NUS1: variants seen among roughly 807,000 people sequenced by gnomAD.
NUS1 encodes the protein NUS1 dehydrodolichyl diphosphate synthase subunit.
For synonymous variants in NUS1, 135 were observed against 155.2 expected (o/e 0.87, Z 0.97); for missense variants, 292 against 382.9 (o/e 0.76, Z 1.98).
Position 117,675,841 on chromosome 6 carries a change from C to T in NUS1, c.171C>T (p.Arg57=). 6.5e-7 allele frequency: 1 copy of T among 1,542,496 alleles called. No homozygotes were observed. Among genetic ancestry groups the T allele is most frequent in the African/African-American group, 1.4e-5 (1 of 72,934 alleles). ...TAGCGCCGCTCGGCTTCACGCTCCG[C>T]AAGCCCCCGGCAGTCGGCAGGAACC... The part of the protein sequence containing the change: ...AVLAPLGFTL[R]KPPAVGRNRR... Residue 57 remains arginine (R), a synonymous_variant, in exon 1 of 5, where the codon CGC becomes CGT. Coordinates refer to ENST00000368494, the MANE Select transcript of NUS1 (RefSeq NM_138459.5).
intron 3 of NUS1, among the ~76,000 whole-genome samples, chr6:117,695,961 A>ATG (rs1435276725): frequency 6.6e-6 from 1 of 152,060 alleles, no homozygotes; most frequent in African/African-American, 2.4e-5. Context: ...GTTAATGCAC[A>ATG]TGTGGTTTGT....
rs1403311324 is a variant in NUS1, at chr6:117,710,631, A to G, written c.*3616A>G. The G allele has an allele frequency of 6.6e-6, 1 of 152,200 alleles. No individual in the cohort carries two copies. Among genetic ancestry groups the G allele is most frequent in the Non-Finnish European group, 1.5e-5 (1 of 68,016 alleles). The allele number at this position is 152,200 out of a possible 1,614,324, so 9.4% of individuals were successfully genotyped here. A position where few individuals can be genotyped will look rare whatever the true frequency, so the allele number is the denominator to read the frequency against. On this transcript the variant is annotated 3_prime_UTR_variant, in exon 5 of 5. Coordinates refer to ENST00000368494, the MANE Select transcript of NUS1 (RefSeq NM_138459.5). ...ATAAAGAGATTTTTTAAAAAACTATAAACTAGAAATTGAGAGTCTTGCATT... is the reference window on the plus strand; with the variant it reads ...ATAAAGAGATTTTTTAAAAAACTATGAACTAGAAATTGAGAGTCTTGCATT...
At chr6:117,697,712 A>T (rs1486468489) in intron 3 of NUS1, among the ~76,000 whole-genome samples, 1 of 152,140 alleles carries the variant, frequency 6.6e-6, no homozygotes, top group Admixed American at 6.5e-5. Flanking sequence ...ATACAATAAT[A>T]GCTGGAGACT....
At chr6:117,676,776 A>C (rs562248596) in intron 1 of NUS1, among the ~76,000 whole-genome samples, 42 of 152,284 alleles carry the variant, frequency 2.8e-4, no homozygotes, top group Admixed American at 2.6e-3. Context: ...GCTTTTTCAC[A>C]ATCTTTGCCT....
At chr6:117,676,955 A>G (rs1450826256) in intron 1 of NUS1, among the ~76,000 whole-genome samples, 4 of 152,206 alleles carry the variant, frequency 2.6e-5, no homozygotes, top group Non-Finnish European at 5.9e-5. Context: ...GAGAGATTGG[A>G]TAGGCAGAAA....
intron 1 of NUS1, among the ~76,000 whole-genome samples, chr6:117,689,829 G>T (rs1479007831): frequency 1.3e-5 from 2 of 152,146 alleles, no homozygotes; most frequent in Non-Finnish European, 2.9e-5. Context: ...GCCTCCCAAA[G>T]TGCTGGGATT....
intron 1 of NUS1, among the ~76,000 whole-genome samples, chr6:117,687,525 C>T (rs1773158030): frequency 6.6e-6 from 1 of 152,014 alleles, no homozygotes; most frequent in Non-Finnish European, 1.5e-5. Flanking sequence ...GCACATCTGG[C>T]TGGGGAATTG....
In NUS1 at chr6:117,675,868, C is replaced by T; in HGVS notation, c.198C>T (p.Arg66=). Residue 66 remains arginine (R), a synonymous_variant, in exon 1 of 5, where the codon CGC becomes CGT. Transcript: ENST00000368494. ...AGCCCCCGGCAGTCGGCAGGAACCG[C>T]CGTCACCACCGGCACCCGCGCGGGG... ...LRKPPAVGRN[R]RHHRHPRGGS... The T allele has an allele frequency of 6.5e-7, 1 of 1,532,648 alleles. No homozygotes were observed. The highest frequency in any genetic ancestry group is 8.8e-7 in the Non-Finnish European group (1 of 1,138,914). 94.9% of individuals were successfully genotyped at this position (1,532,648 alleles called of 1,614,324 possible).
chr6:117,688,335 G>A (rs1010345409), intron 1 of NUS1, among the ~76,000 whole-genome samples: 1 of 152,190 alleles, frequency 6.6e-6, no homozygotes, highest in African/African-American at 2.4e-5. Context: ...GAGTATATGG[G>A]CTTAGCATAA....
At position 117,690,576 on chromosome 6, in the gene NUS1, C is replaced by T. The variant is rs138028725; in HGVS notation, c.416-2466C>T. 8.5e-5 allele frequency among the ~76,000 whole-genome samples: 13 copies of T among 152,266 alleles called. No individual in the cohort carries two copies. The East Asian group carries it at 2.3e-3, about 27-fold the overall frequency. On this transcript the variant is annotated intron_variant, in intron 1 of 4. Transcript: ENST00000368494. Reference sequence around the variant, plus strand: ...TTATATGACCTCTTTTGAACTCCTTCTGTGTCATCTCTCTTAATCACTTCT... The same window carrying T: ...TTATATGACCTCTTTTGAACTCCTTTTGTGTCATCTCTCTTAATCACTTCT...
chr6:117,678,336 T>G (rs1362210709), intron 1 of NUS1, among the ~76,000 whole-genome samples: 1 of 152,206 alleles, frequency 6.6e-6, no homozygotes, highest in Non-Finnish European at 1.5e-5. Context: ...GTTCATACAT[T>G]CATTTACAGG....
intron 4 of NUS1, among the ~76,000 whole-genome samples, chr6:117,703,982 A>G (rs1773465309): frequency 6.6e-6 from 1 of 152,192 alleles, no homozygotes; most frequent in Non-Finnish European, 1.5e-5. Flanking sequence ...GCAGATACAT[A>G]AAATGGGTAG....
chr6:117,696,440 C>T (rs926103498), intron 3 of NUS1, among the ~76,000 whole-genome samples: 24 of 151,574 alleles, frequency 1.6e-4, no homozygotes, highest in African/African-American at 2.9e-4. Flanking sequence ...CAGATTTAAC[C>T]GAAAGATGAC....
intron 4 of NUS1, among the ~76,000 whole-genome samples, chr6:117,706,532 A>G (rs914025118): frequency 5.9e-5 from 9 of 152,200 alleles, no homozygotes; most frequent in Non-Finnish European, 1.2e-4. Context: ...TTAATTTTTT[A>G]GTTGATGATG....
chr6:117,676,633 A>G (rs1772986716), intron 1 of NUS1, among the ~76,000 whole-genome samples: 2 of 152,354 alleles, frequency 1.3e-5, no homozygotes, highest in Admixed American at 6.5e-5. Flanking sequence ...TCGTTATAAT[A>G]CTGCAGTAAT....
intron 3 of NUS1, among the ~76,000 whole-genome samples, chr6:117,697,337 G>A (rs1471776276): frequency 6.6e-6 from 1 of 151,926 alleles, no homozygotes; most frequent in Non-Finnish European, 1.5e-5. Context: ...AATGTAAGTA[G>A]ACTAAACTCT....
At chr6:117,686,836 ATCATGTGAAGTGTGTATG>A (rs1392794847) in intron 1 of NUS1, among the ~76,000 whole-genome samples, 7 of 142,842 alleles carry the variant, frequency 4.9e-5, no homozygotes, top group Middle Eastern at 3.2e-3. Context: ...TTTCTTGTGT[ATCATGTGAAGTGTGTATG>A]TGTGTGTGTG....
At chr6:117,682,258 A>G (rs956109120) in intron 1 of NUS1, among the ~76,000 whole-genome samples, 7 of 152,152 alleles carry the variant, frequency 4.6e-5, no homozygotes, top group African/African-American at 1.4e-4. Flanking sequence ...AAATGACTTT[A>G]TTCTCTATGT....
chr6:117,700,068 T>C (rs1014612622), intron 3 of NUS1, among the ~76,000 whole-genome samples: 14 of 152,026 alleles, frequency 9.2e-5, no homozygotes, highest in African/African-American at 3.4e-4. Flanking sequence ...AGGAAAACAC[T>C]GGGGAAGCTC....
Sources: gnomAD v4.1 joint callset for allele counts (sites outside exome capture counted in the v4.1 genomes callset) on GRCh38, gnomAD v4.1.1 for gene constraint, MANE v1.5 for transcripts, NCBI Gene and HGNC (gene_info 2026-07-23, HGNC 2026-07-21) for gene names.